PLEC: variants seen among roughly 807,000 people sequenced by gnomAD.
PLEC encodes the protein plectin.
A neutral mutation model predicts 392.8 loss-of-function variants in PLEC; 216 were observed. The ratio of observed to expected loss-of-function variants is 0.55; its 90% CI spans 0.49 to 0.62. PLEC has a LOEUF of 0.62. Ranked by LOEUF, PLEC falls within the 20% of genes least tolerant of loss-of-function variation. The pLI, the probability that PLEC is intolerant of heterozygous loss-of-function variation, is 0.00. For synonymous variants in PLEC, 3,621 were observed against 2,980.6 expected, an observed-to-expected ratio of 1.21 and a Z score of -7.00; for missense variants, 6,863 against 6,563.4, an observed-to-expected ratio of 1.05 and a Z score of -1.58.
rs1821391020 is a variant in PLEC at position 143,918,587 on chromosome 8, T to C, written c.11234A>G (p.Asp3745Gly). The C allele has an allele frequency of 1.2e-6, 2 of 1,612,218 alleles. No individual in the cohort carries two copies. The highest frequency in any genetic ancestry group is 2.2e-5 in the South Asian group (2 of 91,080). Residue 3745 changes from aspartate (D) to glycine (G), a missense_variant, in exon 32 of 32, where the codon GAT (aspartate) becomes GGT (glycine). Asp to Gly is a moderately conservative substitution (Grantham distance 94, BLOSUM62 -1). Transcript: ENST00000345136. The stretch of plus-strand genomic sequence containing the variant: ...CACGAGGCCCTTCCGCACAGCCTCA[T>C]CCACAGTCAGCCGCTCCCCCTTCAC... ...DPVKGERLTV[D>G]EAVRKGLVGP...
intron 18 of PLEC, 24 bp from the exon 19 acceptor site, chr8:143,931,683 G>A (rs1175450355): frequency 1.1e-5 from 17 of 1,589,718 alleles, no homozygotes; most frequent in Admixed American, 7.1e-5. Flanking sequence ...AGGGGGTCAC[G>A]CCAGGCTACC....
chr8:143,923,414 T>C lies in PLEC; in HGVS notation c.6515A>G (p.Lys2172Arg), dbSNP rs782342557. 64 of 1,610,592 alleles carry C rather than the reference T, an allele frequency of 4.0e-5. No homozygotes were observed. The African/African-American group carries it at 8.3e-4, about 21-fold the overall frequency. Reference sequence around the variant, plus strand: ...CTGCCGCAGCGTCTGCTCGGCGAATTTCTTATGCTTCTCCATCTCCGCGTC... The same window carrying C: ...CTGCCGCAGCGTCTGCTCGGCGAATCTCTTATGCTTCTCCATCTCCGCGTC... The part of the protein sequence containing the change: ...AADAEMEKHK[K>R]FAEQTLRQKA... Residue 2172 changes from lysine to arginine, a missense_variant, in exon 31 of 32, where the codon AAA becomes AGA. Lys to Arg is a conservative substitution (Grantham distance 26). Transcript: ENST00000345136.
chr8:143,926,724 T>C, intron 30 of PLEC, 60 bp downstream of exon 30: 1 of 1,375,354 alleles, frequency 7.3e-7, no homozygotes. Context: ...TGGCTGTGTG[T>C]GGGACACAAC....
At chr8:143,937,638 G>A (rs1829408024) in intron 3 of PLEC, 3 of 495,770 alleles carry the variant, frequency 6.1e-6, no homozygotes, top group Non-Finnish European at 1.2e-5. Context: ...CCACCTACCC[G>A]CCCAAGAGCC....
At position 143,934,724 on chromosome 8, in the gene PLEC, A is replaced by C; in HGVS notation, c.952T>G (p.Trp318Gly). ...TCCTTAAACTTCAGGAACTGAGACC[A>C]CAGGATCTGCCAGGGACGAGGCTGT... The part of the protein sequence containing the change: ...PSSFEEIEIL[W>G]SQFLKFKEME... The change falls in exon 10 of 32, where the codon TGG (tryptophan) becomes GGG (glycine). Residue 318 changes from tryptophan to glycine, a missense_variant. Transcript: ENST00000345136. 1 of 1,612,498 alleles carries C rather than the reference A, an allele frequency of 6.2e-7. No homozygotes were observed. The highest frequency in any genetic ancestry group is 8.5e-7 in the Non-Finnish European group (1 of 1,179,926).
In PLEC at chr8:143,927,734, G is replaced by T; in HGVS notation, c.3432C>A (p.Pro1144=). Residue 1144 remains proline (P), a synonymous_variant, in exon 27 of 32, where the codon CCC becomes CCA. Coordinates refer to ENST00000345136, the MANE Select transcript of PLEC (RefSeq NM_201384.3). ...KLRAQAEAQQ[P]TFDALRDELR... Reference sequence around the variant, plus strand: ...GCTCATCCCGCAGGGCGTCGAACGTGGGCTGCTGTGCCTCGGCCTGGGCCC... The same window carrying T: ...GCTCATCCCGCAGGGCGTCGAACGTTGGCTGCTGTGCCTCGGCCTGGGCCC... 2.5e-6 allele frequency: 4 copies of T among 1,597,186 alleles called. No individual in the cohort carries two copies. The highest frequency in any genetic ancestry group is 3.4e-6 in the Non-Finnish European group (4 of 1,171,278).
chr8:143,926,020 G>A (rs782600341), intron 30 of PLEC, 136 bp from the exon 31 acceptor site: 74 of 1,024,052 alleles, frequency 7.2e-5, no homozygotes, highest in East Asian at 2.9e-4. Flanking sequence ...CCAGCCCGGC[G>A]GAGGAGACAG....
intron 1 of PLEC, among the ~76,000 whole-genome samples, chr8:143,961,371 G>A (rs903065317): frequency 5.9e-5 from 9 of 152,084 alleles, no homozygotes; most frequent in Admixed American, 2.6e-4. Context: ...GATTACAGGC[G>A]TGCACCACCA....
At chr8:143,953,585 C>G (rs1346966387), upstream of PLEC, 11 of 924,584 alleles carry the variant, frequency 1.2e-5, no homozygotes, top group East Asian at 2.9e-4. Context: ...AGTCTGGGGT[C>G]TCCTGCGGCT....
upstream of PLEC, chr8:143,939,717 GC>G (rs1830073691): frequency 6.4e-6 from 8 of 1,242,962 alleles, no homozygotes; most frequent in South Asian, 1.1e-4. Context: ...GGAGCAAGCA[GC>G]CCCCTCCCCC....
At chr8:143,942,557 C>G (rs782800565), upstream of PLEC, 4 of 1,528,980 alleles carry the variant, frequency 2.6e-6, no homozygotes, top group South Asian at 3.6e-5. Context: ...ACGGACAGTG[C>G]GGGGAGCTGG....
At position 143,923,466 on chromosome 8, in the gene PLEC, C is replaced by A; in HGVS notation, c.6463G>T (p.Ala2155Ser). Residue 2155 changes from alanine to serine, a missense_variant, in exon 31 of 32, where the codon GCG (alanine) becomes TCG (serine). Transcript: ENST00000345136. ...GCTGCCTGCTTCTGCCGCAGGGCCG[C>A]CTGCTCCGCCTGTGCCCGCCGCGCC... ...EAARRAQAEQ[A>S]ALRQKQAADA... The A allele has an allele frequency of 6.2e-7, 1 of 1,606,452 alleles. No homozygotes were observed. The highest frequency in any genetic ancestry group is 8.5e-7 in the Non-Finnish European group (1 of 1,179,256).
At position 143,929,394 on chromosome 8, in the gene PLEC, TG is replaced by T. The variant is rs782004958; in HGVS notation, c.3081+19del. 213 of 1,519,978 alleles carry T rather than the reference TG, an allele frequency of 1.4e-4. 1 individual carries two copies. The East Asian group carries it at 1.6e-3, about 12-fold the overall frequency. 94.2% of individuals were successfully genotyped at this position (1,519,978 alleles called of 1,614,324 possible). A position where few individuals can be genotyped will look rare whatever the true frequency, so the allele number is the denominator to read the frequency against. ...GGATGGGGAGAGGGATGGGACTGGA[TG>T]GGGGGGGACGGCCCCTGCCTGCTGC... On this transcript the variant is annotated intron_variant, in intron 24 of 31. Coordinates refer to ENST00000345136, the MANE Select transcript of PLEC (RefSeq NM_201384.3).
At chr8:143,944,555 G>GC, upstream of PLEC, 1 of 701,210 alleles carries the variant, frequency 1.4e-6, no homozygotes, top group Non-Finnish European at 2.1e-6. Context: ...GAGGGACAGC[G>GC]CCCCTGGCCT....
chr8:143,943,379 G>C (rs1554730203), upstream of PLEC, among the ~76,000 whole-genome samples: 1 of 152,178 alleles, frequency 6.6e-6, no homozygotes, highest in East Asian at 1.9e-4. Flanking sequence ...GAGGGCATGA[G>C]GGCACCTGCC....
upstream of PLEC, among the ~76,000 whole-genome samples, chr8:143,953,376 G>A (rs565624286): frequency 6.6e-5 from 10 of 152,056 alleles, no homozygotes; most frequent in South Asian, 1.2e-3. Context: ...GTTGTGGGCG[G>A]CAAACTCGGG....
chr8:143,937,127 G>A (rs782202964), intron 4 of PLEC, 38 bp downstream of exon 4: 6 of 1,608,058 alleles, frequency 3.7e-6, no homozygotes, highest in Non-Finnish European at 5.1e-6. Flanking sequence ...CTTGGTGAGG[G>A]GTCTGGGTGG....
upstream of PLEC, among the ~76,000 whole-genome samples, chr8:143,940,484 G>A (rs782368781): frequency 6.6e-6 from 1 of 152,226 alleles, no homozygotes; most frequent in Non-Finnish European, 1.5e-5. Context: ...TGGGGCTCAA[G>A]GGAAGCAGTC....
Position 143,927,027 on chromosome 8 carries a change from G to C in PLEC, c.3895C>G (p.Pro1299Ala), listed in dbSNP as rs1313164005. Residue 1299 changes from proline to alanine, a missense_variant, in exon 29 of 32, where the codon CCG becomes GCG. Physicochemically the swap from Pro to Ala is conservative, Grantham distance 27. Coordinates refer to ENST00000345136, the MANE Select transcript of PLEC (RefSeq NM_201384.3). The stretch of plus-strand genomic sequence containing the variant: ...GACTGGACCTTGGGCTTCTTGGCCG[G>C]GGAGGCCACCGGCTCAAGCTGCGCC... ...YKAQLEPVAS[P>A]AKKPKVQSGS... The C allele has an allele frequency of 1.9e-6, 3 of 1,612,714 alleles. No individual in the cohort carries two copies. Among genetic ancestry groups the C allele is most frequent in the East Asian group, 4.5e-5 (2 of 44,888 alleles).
Sources: gnomAD v4.1 joint callset for allele counts (sites outside exome capture counted in the v4.1 genomes callset) on GRCh38, gnomAD v4.1.1 for gene constraint, MANE v1.5 for transcripts, NCBI Gene and HGNC (gene_info 2026-07-23, HGNC 2026-07-21) for gene names.